TAF2: variants seen among roughly 807,000 people sequenced by gnomAD.
TAF2 encodes TATA-box binding protein associated factor 2, also known as transcription initiation factor TFIID subunit 2.
Under a neutral mutation model 138.5 loss-of-function variants are expected in TAF2, and 61 were observed. The observed-to-expected ratio is 0.44, with a 90% CI of 0.36 to 0.54. The LOEUF is 0.54. Ranked by LOEUF, TAF2 falls within the 20% of genes least tolerant of loss-of-function variation. The pLI, the probability that TAF2 is intolerant of heterozygous loss-of-function variation, is 0.00. For synonymous variants in TAF2, 475 were observed against 469.9 expected (o/e 1.01, Z -0.14); for missense variants, 1,090 against 1,427.9 (o/e 0.76, Z 3.81).
At chr8:119,829,002 T>C (rs985846332) in intron 2 of TAF2, among the ~76,000 whole-genome samples, 1 of 152,214 alleles carries the variant, frequency 6.6e-6, no homozygotes, top group African/African-American at 2.4e-5. Flanking sequence ...AGTCAGCCAT[T>C]ACCAACTCTT....
intron 18 of TAF2, among the ~76,000 whole-genome samples, chr8:119,769,452 G>A (rs993658574): frequency 2.0e-5 from 3 of 152,062 alleles, no homozygotes; most frequent in African/African-American, 4.8e-5. Context: ...GGATCCTAAT[G>A]ATTTCATTTC....
chr8:119,779,682 A>G (rs903853172), intron 17 of TAF2, among the ~76,000 whole-genome samples: 2 of 152,192 alleles, frequency 1.3e-5, no homozygotes, highest in African/African-American at 4.8e-5. Flanking sequence ...TTCCACTCTC[A>G]AAAGGCACCC....
At chr8:119,788,988 T>C in intron 12 of TAF2, 84 bp from the exon 13 acceptor site, 1 of 893,396 alleles carries the variant, frequency 1.1e-6, no homozygotes, top group East Asian at 2.5e-5. Flanking sequence ...ATTAATAATT[T>C]TCAAGTGCAT....
chr8:119,777,898 T>A (rs369844614), intron 18 of TAF2, 121 bp downstream of exon 18: 5 of 606,796 alleles, frequency 8.2e-6, no homozygotes, highest in African/African-American at 7.5e-5. Context: ...TCAAGTACGA[T>A]GATTTTTATA....
chr8:119,746,173 A>G (rs950477402), intron 23 of TAF2, among the ~76,000 whole-genome samples: 1 of 151,980 alleles, frequency 6.6e-6, no homozygotes, highest in Non-Finnish European at 1.5e-5. Context: ...GGTGTTTGAG[A>G]CCAGCCTGGC....
chr8:119,746,920 A>G lies in TAF2; in HGVS notation c.2893T>C (p.Trp965Arg), dbSNP rs1820016194. The G allele has an allele frequency of 4.3e-6, 7 of 1,614,048 alleles. No homozygotes were observed. Among genetic ancestry groups the G allele is most frequent in the African/African-American group, 1.3e-5 (1 of 74,940 alleles). ...KLMNSGTSHD[W>R]RLRCGAVDLY... The stretch of plus-strand genomic sequence containing the variant: ...TCCACAGCACCACACCGTAACCTCC[A>G]GTCATGTGAAGTACCTAAAAAGTAA... The change falls in exon 23 of 26, where the codon TGG (tryptophan) becomes CGG (arginine). Residue 965 changes from tryptophan (W) to arginine (R), a missense_variant. Around this residue, in one of 3 missense-constraint regions of TAF2, gnomAD observed 580 missense variants for 719.6 expected, o/e 0.81. Transcript: ENST00000378164.
intron 10 of TAF2, 58 bp downstream of exon 10, chr8:119,793,308 G>C: frequency 7.1e-7 from 1 of 1,399,498 alleles, no homozygotes; most frequent in Non-Finnish European, 1.0e-6. Flanking sequence ...GCTCTTAAAT[G>C]GAATAATTGT....
At chr8:119,829,350 G>T (rs902922793) in intron 2 of TAF2, among the ~76,000 whole-genome samples, 1 of 152,094 alleles carries the variant, frequency 6.6e-6, no homozygotes. Context: ...GGTCCTACAA[G>T]GTGACCCATT....
chr8:119,775,888 C>T (rs1174922663), intron 18 of TAF2, among the ~76,000 whole-genome samples: 3 of 152,238 alleles, frequency 2.0e-5, no homozygotes, highest in African/African-American at 7.2e-5. Flanking sequence ...AAATAAAACA[C>T]TAGATGACTT....
At chr8:119,797,323 A>G (rs1476141832) in intron 7 of TAF2, among the ~76,000 whole-genome samples, 1 of 152,096 alleles carries the variant, frequency 6.6e-6, no homozygotes, top group Non-Finnish European at 1.5e-5. Context: ...ATTTCTGACA[A>G]TATCAGTACA....
chr8:119,765,459 G>A (rs964205736), intron 18 of TAF2, among the ~76,000 whole-genome samples: 2 of 152,042 alleles, frequency 1.3e-5, no homozygotes, highest in Non-Finnish European at 2.9e-5. Context: ...CTTGGGTTAA[G>A]GAGACAACAT....
intron 18 of TAF2, among the ~76,000 whole-genome samples, chr8:119,774,666 C>A (rs1159589244): frequency 6.6e-6 from 1 of 152,054 alleles, no homozygotes; most frequent in Non-Finnish European, 1.5e-5. Flanking sequence ...TAAAACTGGT[C>A]CTAAAATCCC....
At chr8:119,766,553 G>A (rs974985529) in intron 18 of TAF2, among the ~76,000 whole-genome samples, 5 of 152,190 alleles carry the variant, frequency 3.3e-5, no homozygotes, top group Admixed American at 6.6e-5. Flanking sequence ...ACTTTGGGAG[G>A]CTGAGGTGGG....
At position 119,797,778 on chromosome 8, in the gene TAF2, G is replaced by A; in HGVS notation, c.861C>T (p.Val287=). Residue 287 remains valine (V), a synonymous_variant, in exon 7 of 26, where the codon GTC becomes GTT. Coordinates refer to ENST00000378164, the MANE Select transcript of TAF2 (RefSeq NM_003184.4). ...LKHTTSYLHE[V]FEFYEEILTC... Reference sequence around the variant, plus strand: ...TAAGAATTTCTTCATAAAATTCAAAGACTTCATGAAGGTATGATGTGGTAT... The same window carrying A: ...TAAGAATTTCTTCATAAAATTCAAAAACTTCATGAAGGTATGATGTGGTAT... The A allele has an allele frequency of 1.9e-6, 3 of 1,613,514 alleles. No homozygotes were observed. The highest frequency in any genetic ancestry group is 2.5e-6 in the Non-Finnish European group (3 of 1,179,678).
chr8:119,791,044 T>A (rs1319749412), intron 11 of TAF2, among the ~76,000 whole-genome samples: 3 of 152,060 alleles, frequency 2.0e-5, no homozygotes, highest in African/African-American at 7.2e-5. Context: ...CAAGCAATCA[T>A]CCCACCTCAG....
chr8:119,784,041 C>A (rs545647207), intron 15 of TAF2, among the ~76,000 whole-genome samples: 1 of 152,142 alleles, frequency 6.6e-6, no homozygotes, highest in Non-Finnish European at 1.5e-5. Context: ...ACTAGACTCA[C>A]GATCGCCTTT....
intron 2 of TAF2, among the ~76,000 whole-genome samples, chr8:119,828,908 A>G (rs1826263511): frequency 6.6e-6 from 1 of 152,194 alleles, no homozygotes; most frequent in Non-Finnish European, 1.5e-5. Context: ...CGCCTCTGCC[A>G]GCGTAGCTCC....
intron 25 of TAF2, among the ~76,000 whole-genome samples, chr8:119,738,231 T>A (rs963097713): frequency 1.3e-5 from 2 of 152,162 alleles, no homozygotes; most frequent in African/African-American, 4.8e-5. Flanking sequence ...TTACCAGCTC[T>A]AATCTAACGT....
chr8:119,815,881 C>T (rs183967382), intron 3 of TAF2, among the ~76,000 whole-genome samples: 1 of 152,098 alleles, frequency 6.6e-6, no homozygotes, highest in African/African-American at 2.4e-5. Context: ...TGCTTATACA[C>T]GTTACATAAC....
Sources: allele counts gnomAD v4.1 joint callset (sites outside exome capture counted in the v4.1 genomes callset), GRCh38; gene constraint gnomAD v4.1.1; regional missense constraint gnomAD v4.1.1; transcripts MANE v1.5; gene names NCBI Gene and HGNC (gene_info 2026-07-23, HGNC 2026-07-21).